DCC: variants seen among roughly 807,000 people sequenced by gnomAD.
The protein encoded by DCC is DCC netrin 1 receptor, also known as netrin receptor DCC.
DCC carries 58 observed loss-of-function variants against 172.5 expected under a neutral mutation model. The ratio of observed to expected loss-of-function variants is 0.34; its 90% CI spans 0.27 to 0.42. The LOEUF (loss-of-function observed/expected upper bound fraction) is 0.42. DCC is among the 10% of genes least tolerant of loss of function. The pLI, the probability that DCC is intolerant of heterozygous loss-of-function variation, is 1.00. For missense variants in DCC, 1,740 were observed against 1,791.0 expected, an observed-to-expected ratio of 0.97 and a Z score of 0.51; for synonymous variants, 709 against 644.5, an observed-to-expected ratio of 1.10 and a Z score of -1.52.
At chr18:53,516,889 G>A (rs1198500915) in intron 27 of DCC, among the ~76,000 whole-genome samples, 3 of 143,336 alleles carry the variant, frequency 2.1e-5, no homozygotes, top group South Asian at 4.3e-4. Flanking sequence ...AGTCAGTGTG[G>A]CGATTCCTCA....
chr18:52,815,825 C>T (rs551144044), intron 2 of DCC, among the ~76,000 whole-genome samples: 1 of 152,286 alleles, frequency 6.6e-6, no homozygotes, highest in East Asian at 1.9e-4. Context: ...TTGCAAAAGA[C>T]ATCGACAACT....
chr18:53,487,495 TAC>T (rs1345909174), intron 26 of DCC, among the ~76,000 whole-genome samples: 7 of 150,870 alleles, frequency 4.6e-5, no homozygotes, highest in Non-Finnish European at 7.4e-5. Context: ...AGCTATTATA[TAC>T]ACCCTGGTGA....
intron 1 of DCC, among the ~76,000 whole-genome samples, chr18:52,747,994 A>G (rs62081895): frequency 0.21 from 31,509 of 152,168 alleles, 4,604 homozygotes; most frequent in African/African-American, 0.41. Context: ...CTGGCCGCTG[A>G]GCTGGTTCTG....
intron 1 of DCC, among the ~76,000 whole-genome samples, chr18:52,696,733 G>GC (rs2036017447): frequency 6.6e-6 from 1 of 152,172 alleles, no homozygotes; most frequent in Non-Finnish European, 1.5e-5. Flanking sequence ...CCTGGATCTT[G>GC]AAACAAAAGT....
chr18:53,431,389 A>C (rs1298543285), intron 21 of DCC, among the ~76,000 whole-genome samples: 2 of 151,880 alleles, frequency 1.3e-5, no homozygotes, highest in African/African-American at 4.8e-5. Flanking sequence ...TGTGTTATTG[A>C]GAAAATATGG....
At chr18:52,618,013 G>T (rs955152499) in intron 1 of DCC, among the ~76,000 whole-genome samples, 6 of 152,108 alleles carry the variant, frequency 3.9e-5, no homozygotes, top group African/African-American at 1.4e-4. Flanking sequence ...CAGGGTATTG[G>T]ACAAGGAATT....
chr18:53,067,235 A>G (rs1270073609), intron 7 of DCC, among the ~76,000 whole-genome samples: 1 of 152,200 alleles, frequency 6.6e-6, no homozygotes, highest in Non-Finnish European at 1.5e-5. Context: ...GAATTCTAGT[A>G]TAAGTCCGGG....
At chr18:52,658,671 C>T (rs372061021) in intron 1 of DCC, among the ~76,000 whole-genome samples, 4 of 152,162 alleles carry the variant, frequency 2.6e-5, no homozygotes, top group African/African-American at 9.7e-5. Context: ...AAGCACCCTT[C>T]ATTCCAAGAC....
chr18:53,185,178 A>T (rs1014907057), intron 9 of DCC, among the ~76,000 whole-genome samples: 7 of 152,208 alleles, frequency 4.6e-5, no homozygotes, highest in African/African-American at 1.2e-4. Context: ...TTAAAAATTT[A>T]TGGTTTAGTA....
chr18:53,354,686 A>C, intron 15 of DCC, among the ~76,000 whole-genome samples: 1 of 151,708 alleles, frequency 6.6e-6, no homozygotes. Context: ...AGATTGCAAA[A>C]ATTTTCTCCC....
chr18:52,959,340 C>A (rs552162205), intron 5 of DCC, among the ~76,000 whole-genome samples: 8 of 152,212 alleles, frequency 5.3e-5, no homozygotes, highest in African/African-American at 1.9e-4. Context: ...TTCATGTTAA[C>A]TCAAATTTAT....
intron 1 of DCC, among the ~76,000 whole-genome samples, chr18:52,410,556 C>T (rs1253947175): frequency 6.6e-6 from 1 of 152,110 alleles, no homozygotes; most frequent in African/African-American, 2.4e-5. Context: ...GCTGTCATTC[C>T]TATTATATGA....
At position 52,917,150 on chromosome 18, in the gene DCC, A is replaced by AC. The variant is rs1491215982; in HGVS notation, c.698-6556dup. 1.9e-3 allele frequency among the ~76,000 whole-genome samples: 279 copies of AC among 145,058 alleles called. 2 individuals carry two copies. Among genetic ancestry groups the AC allele is most frequent in the African/African-American group, 7.3e-3 (265 of 36,234 alleles). ...AAAAAAAGAAAACAAAAAAAAAAAA[A>AC]CAAGAAAAAAATAAAAAATATTGGC... On this transcript the variant is annotated intron_variant, in intron 3 of 28. Coordinates refer to ENST00000442544, the MANE Select transcript of DCC (RefSeq NM_005215.4).
chr18:52,542,708 G>T (rs1031152493), intron 1 of DCC, among the ~76,000 whole-genome samples: 4 of 152,062 alleles, frequency 2.6e-5, no homozygotes, highest in African/African-American at 7.2e-5. Flanking sequence ...GTGTGGTGGT[G>T]CATGCCTGTA....
chr18:52,508,042 G>A (rs2031297301), intron 1 of DCC, among the ~76,000 whole-genome samples: 1 of 152,016 alleles, frequency 6.6e-6, no homozygotes, highest in African/African-American at 2.4e-5. Flanking sequence ...GGAGGTTGCA[G>A]TGAGCTGAGT....
chr18:53,119,453 G>A (rs2144282887), intron 7 of DCC, among the ~76,000 whole-genome samples: 1 of 151,814 alleles, frequency 6.6e-6, no homozygotes, highest in African/African-American at 2.4e-5. Flanking sequence ...ATTAGACTCT[G>A]TCTACTTAGG....
At chr18:52,998,974 G>A (rs972463421) in intron 5 of DCC, among the ~76,000 whole-genome samples, 29 of 152,126 alleles carry the variant, frequency 1.9e-4, no homozygotes, top group African/African-American at 7.0e-4. Flanking sequence ...TTGACTAAAA[G>A]GGAGTGTGGA....
chr18:53,378,014 T>C (rs1166278704), intron 15 of DCC, among the ~76,000 whole-genome samples: 1 of 152,138 alleles, frequency 6.6e-6, no homozygotes, highest in Admixed American at 6.5e-5. Flanking sequence ...GTTGCTGGAG[T>C]GCAGTGGCGC....
At chr18:53,305,852 C>T (rs578141583) in intron 13 of DCC, 133 bp downstream of exon 13, 207 of 824,750 alleles carry the variant, frequency 2.5e-4, no homozygotes, top group African/African-American at 1.8e-3. Context: ...TTGGCTGGAA[C>T]AAGAACAACC....
Sources: allele counts gnomAD v4.1 joint callset (sites outside exome capture counted in the v4.1 genomes callset), GRCh38; gene constraint gnomAD v4.1.1; transcripts MANE v1.5; gene names NCBI Gene and HGNC (gene_info 2026-07-23, HGNC 2026-07-21).